ZMYM2: variants seen among roughly 807,000 people sequenced by gnomAD.
ZMYM2 encodes zinc finger MYM-type containing 2.
In ZMYM2, 56 loss-of-function variants were observed where a neutral mutation model predicts 162.8. The ratio of observed to expected loss-of-function variants is 0.34; its 90% CI spans 0.28 to 0.43. The LOEUF is 0.43. ZMYM2 is among the 20% of genes least tolerant of loss of function. The probability of loss-of-function intolerance (pLI) is 1.00; values close to 1 mark genes in which losing one functional copy is unlikely to be tolerated. For synonymous variants in ZMYM2, 510 were observed against 541.6 expected (o/e 0.94, Z 0.81); for missense variants, 1,275 against 1,621.8 (o/e 0.79, Z 3.67).
At chr13:19,965,335 C>T (rs1278803269) in intron 2 of ZMYM2, 12 of 993,456 alleles carry the variant, frequency 1.2e-5, no homozygotes, top group Non-Finnish European at 1.5e-5. Context: ...TAAAAAATGA[C>T]TTCTCTTCTA....
At position 20,003,051 on chromosome 13, in the gene ZMYM2, C is replaced by G; in HGVS notation, c.1049C>G (p.Ser350Ter). Reference protein sequence around the residue: ...KGQTAYQRKGSAHLFCSTTCL... With the variant: ...KGQTAYQRKG ...CAGACAGCTTATCAACGAAAAGGAT[C>G]AGCTCACCTCTTTTGTTCTACCACC... Residue 350 changes from serine (S) to a stop codon, truncating the protein, a stop_gained, in exon 4 of 25, where the codon TCA becomes TGA. Transcript: ENST00000610343. LOFTEE classifies it high-confidence loss of function. 6.2e-7 allele frequency: 1 copy of G among 1,614,182 alleles called. No homozygotes were observed. The highest frequency in any genetic ancestry group is 8.5e-7 in the Non-Finnish European group (1 of 1,180,022).
upstream of ZMYM2, among the ~76,000 whole-genome samples, chr13:19,958,123 G>A (rs1433241591): frequency 6.6e-6 from 1 of 151,860 alleles, no homozygotes; most frequent in Non-Finnish European, 1.5e-5. Flanking sequence ...GGGTGGAAGG[G>A]CCTCCACTGC....
chr13:19,976,437 TTAC>T (rs890046873), intron 2 of ZMYM2, among the ~76,000 whole-genome samples: 7 of 152,104 alleles, frequency 4.6e-5, no homozygotes, highest in African/African-American at 1.7e-4. Context: ...AACATAAAAT[TTAC>T]TATTTTTACG....
At chr13:19,891,167 T>G in the ZMYM2 span, among the ~76,000 whole-genome samples, 1 of 151,904 alleles carries the variant, frequency 6.6e-6, no homozygotes, top group South Asian at 2.1e-4. Context: ...AGGGTGGTCT[T>G]CACTCTAATA....
chr13:19,992,881 A>G lies in ZMYM2; in HGVS notation c.-10-182A>G, dbSNP rs572432242. Among the ~76,000 whole-genome samples the G allele has an allele frequency of 5.9e-5, 9 of 151,610 alleles. No individual in the cohort carries two copies. In the South Asian group the frequency reaches 1.9e-3, roughly 31 times the overall value. The stretch of plus-strand genomic sequence containing the variant: ...CCTTCCTTGTTATCCTGCAAAAGTT[A>G]ACATGTAAACTATATGAAATGATTA... On this transcript the variant is annotated intron_variant, in intron 2 of 24. Transcript: ENST00000610343.
intron 2 of ZMYM2, among the ~76,000 whole-genome samples, chr13:19,974,471 C>T (rs928905539): frequency 2.6e-5 from 4 of 151,242 alleles, no homozygotes; most frequent in African/African-American, 9.7e-5. Flanking sequence ...CCATGAATAT[C>T]CTTCTACTTT....
intron 12 of ZMYM2, among the ~76,000 whole-genome samples, chr13:20,047,140 G>A (rs1174434987): frequency 6.6e-6 from 1 of 152,166 alleles, no homozygotes; most frequent in Non-Finnish European, 1.5e-5. Flanking sequence ...CGATCAATAT[G>A]CAGCACAATC....
chr13:19,871,696 A>G, the ZMYM2 span, among the ~76,000 whole-genome samples: 5 of 152,224 alleles, frequency 3.3e-5, no homozygotes, highest in African/African-American at 1.2e-4. Flanking sequence ...ATATGGCTCT[A>G]ATTTATACTA....
intron 11 of ZMYM2, 43 bp from the exon 12 acceptor site, chr13:20,036,694 C>T (rs760468019): frequency 1.3e-5 from 18 of 1,405,720 alleles, no homozygotes; most frequent in Non-Finnish European, 1.7e-5. Flanking sequence ...AATTAGTTTT[C>T]ATGTGTTTTT....
chr13:20,012,471 C>T (rs1024656948), intron 6 of ZMYM2, among the ~76,000 whole-genome samples: 5 of 152,106 alleles, frequency 3.3e-5, no homozygotes, highest in Non-Finnish European at 7.4e-5. Context: ...TGAGCCACCA[C>T]GCCCAGCTGG....
Position 20,085,517 on chromosome 13 carries a change from T to C in ZMYM2, c.3942-305T>C, listed in dbSNP as rs956242166. ...CTGAAACTGGGATGCACAGTTTAAA[T>C]TGTTGCATCTTGAAATCATAATTGG... On this transcript the variant is annotated intron_variant, in intron 24 of 24. Transcript: ENST00000610343. Among the ~76,000 whole-genome samples the C allele has an allele frequency of 2.0e-5, 3 of 152,336 alleles. No homozygotes were observed. In the East Asian group the frequency reaches 5.8e-4, roughly 29 times the overall value.
At position 20,083,722 on chromosome 13, in the gene ZMYM2, C is replaced by T; in HGVS notation, c.3887C>T (p.Thr1296Ile). 3 of 1,598,698 alleles carry T rather than the reference C, an allele frequency of 1.9e-6. No homozygotes were observed. The highest frequency in any genetic ancestry group is 2.6e-6 in the Non-Finnish European group (3 of 1,171,244). Residue 1296 changes from threonine (T) to isoleucine (I), a missense_variant, in exon 24 of 25, where the codon ACA becomes ATA. By Grantham distance (89) the Thr-to-Ile change is moderately conservative. This residue lies in a region of ZMYM2 where 103 missense variants were observed against 192.2 expected (regional missense o/e 0.54). Transcript: ENST00000610343. ...CCAGTATTTGAACAAATTGAAAACA[C>T]AGCCAATCCTTCCAGATGTCCTGTG... Reference protein sequence around the residue: ...DEPVFEQIENTANPSRCPVKM... With the variant: ...DEPVFEQIENIANPSRCPVKM...
At chr13:19,971,884 G>C (rs942433493) in intron 2 of ZMYM2, among the ~76,000 whole-genome samples, 5 of 152,164 alleles carry the variant, frequency 3.3e-5, no homozygotes, top group Middle Eastern at 3.4e-3. Context: ...AAAAAAACTA[G>C]ATGTAGAGAG....
At chr13:19,871,772 T>A in the ZMYM2 span, among the ~76,000 whole-genome samples, 1 of 152,226 alleles carries the variant, frequency 6.6e-6, no homozygotes, top group African/African-American at 2.4e-5. Context: ...GTGAAACATT[T>A]ACACAAACTG....
At position 20,014,134 on chromosome 13, in the gene ZMYM2, C is replaced by T. The variant is rs557239889; in HGVS notation, c.1513-5413C>T. 5.9e-5 allele frequency among the ~76,000 whole-genome samples: 9 copies of T among 152,144 alleles called. No individual in the cohort carries two copies. In the South Asian group the frequency reaches 6.2e-4, roughly 11 times the overall value. On this transcript the variant is annotated intron_variant, in intron 6 of 24. Coordinates refer to ENST00000610343, the MANE Select transcript of ZMYM2 (RefSeq NM_197968.4). ...TGTCACCCAGGCTGGAGTGCAGTGG[C>T]GTGATCTTGGCTCACTGCAACCCCC...
In ZMYM2 at chr13:20,066,993, T is replaced by C; in HGVS notation, c.3275T>C (p.Leu1092Pro). 6.2e-7 allele frequency: 1 copy of C among 1,611,600 alleles called. No individual in the cohort carries two copies. Among genetic ancestry groups the C allele is most frequent in the East Asian group, 2.2e-5 (1 of 44,804 alleles). The change falls in exon 20 of 25, where the codon CTT becomes CCT. Residue 1092 changes from leucine to proline, a missense_variant. Physicochemically the swap from Leu to Pro is moderately conservative, Grantham distance 98 (BLOSUM62 -3). Coordinates refer to ENST00000610343, the MANE Select transcript of ZMYM2 (RefSeq NM_197968.4). ...WVKTRQLDEDLLVLDELKSSK... is the reference protein window; with the variant it reads ...WVKTRQLDEDPLVLDELKSSK... ...AAAACTAGGCAACTTGATGAAGATC[T>C]TCTGGTATTAGATGAGTTAAAATCT... is the stretch of plus-strand genomic sequence containing the variant.
chr13:19,943,335 A>T, the ZMYM2 span, among the ~76,000 whole-genome samples: 1 of 152,194 alleles, frequency 6.6e-6, no homozygotes, highest in African/African-American at 2.4e-5. Flanking sequence ...TTTCCAAATA[A>T]GATTACATTC....
the ZMYM2 span, among the ~76,000 whole-genome samples, chr13:19,937,151 A>G: frequency 2.0e-5 from 3 of 151,198 alleles, no homozygotes; most frequent in East Asian, 5.8e-4. Flanking sequence ...TTAGTATTCT[A>G]CTTTTTTTTT....
chr13:19,981,973 G>T (rs1378181834), intron 2 of ZMYM2, among the ~76,000 whole-genome samples: 2 of 152,078 alleles, frequency 1.3e-5, no homozygotes, highest in African/African-American at 4.8e-5. Flanking sequence ...TCCATTCTTG[G>T]GTATCTTTTT....
Sources: gnomAD v4.1 joint callset for allele counts (sites outside exome capture counted in the v4.1 genomes callset) on GRCh38, gnomAD v4.1.1 for gene constraint, gnomAD v4.1.1 regional missense constraint, MANE v1.5 for transcripts, NCBI Gene and HGNC (gene_info 2026-07-23, HGNC 2026-07-21) for gene names.